HIF1A: variants seen among roughly 807,000 people sequenced by gnomAD.
The protein encoded by HIF1A is hypoxia-inducible factor 1-alpha.
HIF1A carries 24 observed loss-of-function variants against 92.7 expected under a neutral mutation model. That is an observed-to-expected ratio of 0.26 (90% CI 0.19 to 0.36). The LOEUF is 0.36. HIF1A is among the 10% of genes least tolerant of loss of function. The pLI is 1.00. For synonymous variants in HIF1A, 319 were observed against 338.7 expected (o/e 0.94, Z 0.64); for missense variants, 799 against 998.5 (o/e 0.80, Z 2.69).
chr14:61,736,584 T>G (rs953222715), intron 8 of HIF1A, among the ~76,000 whole-genome samples: 1 of 152,180 alleles, frequency 6.6e-6, no homozygotes, highest in Non-Finnish European at 1.5e-5. Flanking sequence ...CAGCATTTGG[T>G]TTTCTGTTCC....
rs61755706 is a variant in HIF1A at position 61,720,563 on chromosome 14, C to A, written c.217C>A (p.Leu73Met). 200 of 1,596,676 alleles carry A rather than the reference C, an allele frequency of 1.3e-4. No homozygotes were observed. Among genetic ancestry groups the A allele is most frequent in the Non-Finnish European group, 1.6e-4 (191 of 1,172,056 alleles). ...TISYLRVRKL[L>M]DAGDLDIEDD... ...CAGCTATTTGCGTGTGAGGAAACTT[C>A]TGGATGCTGGTGAGTTATTTTACAA... The change falls in exon 2 of 15, where the codon CTG becomes ATG. Residue 73 changes from leucine (L) to methionine (M), a missense_variant. Leu to Met is a conservative substitution (Grantham distance 15). This residue lies in a region of HIF1A where 516 missense variants were observed against 721.0 expected (regional missense o/e 0.72). Transcript: ENST00000337138.
At chr14:61,710,237 T>C (rs114151144) in intron 1 of HIF1A, among the ~76,000 whole-genome samples, 92 of 152,300 alleles carry the variant, frequency 6.0e-4, no homozygotes, top group African/African-American at 2.2e-3. Flanking sequence ...GCTGGTTTAA[T>C]GGAAAGACAA....
intron 1 of HIF1A, among the ~76,000 whole-genome samples, chr14:61,708,446 T>G (rs1479385100): frequency 6.6e-6 from 1 of 152,218 alleles, no homozygotes; most frequent in African/African-American, 2.4e-5. Flanking sequence ...GGTCTAACAT[T>G]TAAGTCTTTA....
rs1043387897 is a variant in HIF1A at position 61,732,467 on chromosome 14, A to G, written c.823A>G (p.Ile275Val). ...GCCAGAAGAACTTTTAGGCCGCTCAATTTATGAATATTATCATGCTTTGGA... is the reference window on the plus strand; with the variant it reads ...GCCAGAAGAACTTTTAGGCCGCTCAGTTTATGAATATTATCATGCTTTGGA... The part of the protein sequence containing the change: ...YEPEELLGRS[I>V]YEYYHALDSD... The change falls in exon 7 of 15, where the codon ATT (isoleucine) becomes GTT (valine). Residue 275 changes from isoleucine to valine, a missense_variant. Around this residue, in one of 2 missense-constraint regions of HIF1A, gnomAD observed 516 missense variants for 721.0 expected, o/e 0.72. Coordinates refer to ENST00000337138, the MANE Select transcript of HIF1A (RefSeq NM_001530.4). The G allele has an allele frequency of 2.5e-6, 4 of 1,611,908 alleles. No individual in the cohort carries two copies. The highest frequency in any genetic ancestry group is 2.2e-5 in the East Asian group (1 of 44,828).
chr14:61,733,519 A>T (rs1469181152), intron 7 of HIF1A, among the ~76,000 whole-genome samples: 1 of 152,166 alleles, frequency 6.6e-6, no homozygotes, highest in Non-Finnish European at 1.5e-5. Context: ...CCTATGCATG[A>T]CTTCCCACTG....
rs963068331 is a variant in HIF1A, at chr14:61,734,032, C to T, written c.881-106C>T. On this transcript the variant is annotated intron_variant, in intron 7 of 14. Coordinates refer to ENST00000337138, the MANE Select transcript of HIF1A (RefSeq NM_001530.4). ...GTTACAACTGATTCCACTAAATAAACATTTGTTTTCCAAAACAATGATGAA... is the reference window on the plus strand; with the variant it reads ...GTTACAACTGATTCCACTAAATAAATATTTGTTTTCCAAAACAATGATGAA... 5 of 740,780 alleles carry T rather than the reference C, an allele frequency of 6.7e-6. No homozygotes were observed. The African/African-American group carries it at 9.1e-5, about 14-fold the overall frequency. 45.9% of individuals were successfully genotyped at this position (740,780 alleles called of 1,614,324 possible). A position where few individuals can be genotyped will look rare whatever the true frequency, so the allele number is the denominator to read the frequency against.
chr14:61,696,994 A>G (rs1193966857), intron 1 of HIF1A, among the ~76,000 whole-genome samples: 1 of 152,202 alleles, frequency 6.6e-6, no homozygotes, highest in Non-Finnish European at 1.5e-5. Context: ...AATTTTGCCC[A>G]CTTTGGCATT....
chr14:61,703,815 A>AGTGCTACCATT (rs111839514), intron 1 of HIF1A, among the ~76,000 whole-genome samples: 143,441 of 152,036 alleles, frequency 0.94, 68,155 homozygotes, highest in Non-Finnish European at 1. Flanking sequence ...ACTCTTGACC[A>AGTGCTACCATT]GTAATTAATG....
At chr14:61,702,396 C>T (rs1299615146) in intron 1 of HIF1A, among the ~76,000 whole-genome samples, 31 of 148,988 alleles carry the variant, frequency 2.1e-4, no homozygotes, top group African/African-American at 7.4e-4. Flanking sequence ...GCCAAGATCG[C>T]GCCACTGCAC....
chr14:61,707,791 G>A (rs1177826116), intron 1 of HIF1A, among the ~76,000 whole-genome samples: 1 of 151,116 alleles, frequency 6.6e-6, no homozygotes, highest in African/African-American at 2.4e-5. Flanking sequence ...CTTTATAGCA[G>A]CATGATTTAT....
Position 61,730,131 on chromosome 14 carries a change from C to G in HIF1A, c.774-2287C>G, listed in dbSNP as rs113705008. On this transcript the variant is annotated intron_variant, in intron 6 of 14. Transcript: ENST00000337138. ...AAATGAAGATGAACAGTTCCTGCCT[C>G]AAAATAAATGAGTAGTATACTGCTT... Among the ~76,000 whole-genome samples, 907 of 152,232 alleles carry G rather than the reference C, an allele frequency of 6.0e-3. 13 individuals are homozygous for G. The highest frequency in any genetic ancestry group is 0.02 in the African/African-American group (843 of 41,546).
At chr14:61,713,358 G>C (rs376679366) in intron 1 of HIF1A, among the ~76,000 whole-genome samples, 2 of 152,120 alleles carry the variant, frequency 1.3e-5, no homozygotes, top group Non-Finnish European at 2.9e-5. Flanking sequence ...CCAAACTTAC[G>C]TATCATATGC....
rs573077500 is a variant in HIF1A, at chr14:61,721,123, C to A, written c.227-386C>A. 2.0e-5 allele frequency among the ~76,000 whole-genome samples: 3 copies of A among 152,242 alleles called. No homozygotes were observed. In the East Asian group the frequency reaches 5.8e-4, roughly 29 times the overall value. ...GGGCACGCTGGTAGGTGCCTGTAATCTCAGCTACTAGGGAGGCTGAGGCAG... is the reference window on the plus strand; with the variant it reads ...GGGCACGCTGGTAGGTGCCTGTAATATCAGCTACTAGGGAGGCTGAGGCAG... On this transcript the variant is annotated intron_variant, in intron 2 of 14. Transcript: ENST00000337138.
intron 1 of HIF1A, among the ~76,000 whole-genome samples, chr14:61,711,198 T>G (rs1050499250): frequency 2.7e-5 from 4 of 148,632 alleles, no homozygotes; most frequent in African/African-American, 9.9e-5. Context: ...TAAAGATGTT[T>G]AAGTATTCCT....
At chr14:61,737,960 G>C in intron 9 of HIF1A, 127 bp from the exon 10 acceptor site, 1 of 658,176 alleles carries the variant, frequency 1.5e-6, no homozygotes, top group Non-Finnish European at 2.5e-6. Flanking sequence ...CTGGGAGGCA[G>C]AGGTTGCAGT....
rs2044346876 is a variant in HIF1A at position 61,714,977 on chromosome 14, T to C, written c.36-5405T>C. On this transcript the variant is annotated intron_variant, in intron 1 of 14. Transcript: ENST00000337138. ...TGAACCCAGGAGGCAGAGGTTGCAG[T>C]GAGCCGAGATCGCGCCATTGCACTC... 3.3e-5 allele frequency among the ~76,000 whole-genome samples: 5 copies of C among 151,674 alleles called. No individual in the cohort carries two copies. The South Asian group carries it at 1.0e-3, about 31-fold the overall frequency.
chr14:61,720,517 C>G lies in HIF1A; in HGVS notation c.171C>G (p.Ala57=), dbSNP rs537540765. The G allele has an allele frequency of 1.3e-4, 203 of 1,613,018 alleles. 7 individuals carry two copies. In the South Asian group the frequency reaches 2.1e-3, roughly 17 times the overall value. ...PHNVSSHLDK[A]SVMRLTISYL... The stretch of plus-strand genomic sequence containing the variant: ...ATGTGAGTTCGCATCTTGATAAGGC[C>G]TCTGTGATGAGGCTTACCATCAGCT... The change falls in exon 2 of 15, where the codon GCC becomes GCG. Residue 57 remains alanine, a synonymous_variant. Coordinates refer to ENST00000337138, the MANE Select transcript of HIF1A (RefSeq NM_001530.4).
intron 2 of HIF1A, 59 bp downstream of exon 2, chr14:61,720,631 A>G: frequency 9.0e-7 from 1 of 1,112,544 alleles, no homozygotes; most frequent in South Asian, 1.8e-5. Context: ...AAGTAAATAG[A>G]AATTATTTTT....
At chr14:61,736,109 G>C (rs2044634153) in intron 8 of HIF1A, among the ~76,000 whole-genome samples, 1 of 151,004 alleles carries the variant, frequency 6.6e-6, no homozygotes, top group Non-Finnish European at 1.5e-5. Context: ...CTCCCAAGTA[G>C]CTGGGACTAC....
Sources: gnomAD v4.1 joint callset for allele counts (sites outside exome capture counted in the v4.1 genomes callset) on GRCh38, gnomAD v4.1.1 for gene constraint, gnomAD v4.1.1 regional missense constraint, MANE v1.5 for transcripts, NCBI Gene and HGNC (gene_info 2026-07-23, HGNC 2026-07-21) for gene names.